DGKZ: variants seen among roughly 807,000 people sequenced by gnomAD.
DGKZ encodes the protein diacylglycerol kinase zeta.
Under a neutral mutation model 142.5 loss-of-function variants are expected in DGKZ, and 45 were observed. That is an observed-to-expected ratio of 0.32 (90% CI 0.25 to 0.40). The LOEUF is 0.40. Ranked by LOEUF, DGKZ falls within the 10% of genes least tolerant of loss-of-function variation. DGKZ has a pLI of 1.00. For missense variants in DGKZ, 755 were observed against 1,306.5 expected (o/e 0.58, Z 6.51); for synonymous variants, 442 against 527.0 (o/e 0.84, Z 2.21).
intron 1 of DGKZ, chr11:46,365,063 C>T (rs1943096635): frequency 1.0e-6 from 1 of 985,316 alleles, no homozygotes; most frequent in African/African-American, 1.7e-5. Context: ...GGCACAGGAG[C>T]TCGATGCTGG....
At chr11:46,375,178 G>C in intron 19 of DGKZ, 133 bp downstream of exon 19, 1 of 950,192 alleles carries the variant, frequency 1.1e-6, no homozygotes, top group Non-Finnish European at 1.5e-6. Context: ...CCTCTGGCTT[G>C]AGAGCGGCAC....
At chr11:46,348,718 C>T (rs1456537377) in intron 1 of DGKZ, among the ~76,000 whole-genome samples, 1 of 152,134 alleles carries the variant, frequency 6.6e-6, no homozygotes, top group East Asian at 1.9e-4. Context: ...TGCTCTTGGT[C>T]GTGAGCCGCT....
At chr11:46,350,400 C>T (rs1007422235) in intron 1 of DGKZ, among the ~76,000 whole-genome samples, 1 of 151,702 alleles carries the variant, frequency 6.6e-6, no homozygotes, top group African/African-American at 2.4e-5. Flanking sequence ...CTCGAAGCCC[C>T]AGCTGAAACC....
intron 1 of DGKZ, among the ~76,000 whole-genome samples, chr11:46,351,656 G>A (rs1941402107): frequency 6.6e-6 from 1 of 152,218 alleles, no homozygotes; most frequent in South Asian, 2.1e-4. Flanking sequence ...AATGCTGGGA[G>A]CAGCCCAGGT....
At chr11:46,342,307 C>A (rs564620352) in intron 1 of DGKZ, among the ~76,000 whole-genome samples, 1 of 152,154 alleles carries the variant, frequency 6.6e-6, no homozygotes, top group African/African-American at 2.4e-5. Context: ...ACATTGACAG[C>A]GCCAAGGAGT....
Position 46,375,054 on chromosome 11 carries a change from G to A in DGKZ, c.1710+9G>A. On this transcript the variant is annotated intron_variant, in intron 19 of 30. Transcript: ENST00000527911. ...TCACCATGACGTCGTTGGTGAGTGG[G>A]CCCTGGGCCCATGGTGCCTGGGAGC... The A allele has an allele frequency of 6.3e-7, 1 of 1,580,626 alleles. No individual in the cohort carries two copies. The highest frequency in any genetic ancestry group is 8.6e-7 in the Non-Finnish European group (1 of 1,169,432).
At chr11:46,374,286 C>G (rs556312899) in intron 15 of DGKZ, 51 bp downstream of exon 15, 1 of 1,612,458 alleles carries the variant, frequency 6.2e-7, no homozygotes. Flanking sequence ...GGAGTGTCCC[C>G]GGGAGGGTCA....
At chr11:46,376,254 T>C in intron 22 of DGKZ, 74 bp from the exon 23 acceptor site, 3 of 1,606,798 alleles carry the variant, frequency 1.9e-6, no homozygotes, top group East Asian at 2.2e-5. Flanking sequence ...TCTGTGCTGG[T>C]TCCCCCTACT....
At chr11:46,379,620 C>T (rs1401712469) in intron 30 of DGKZ, 52 bp downstream of exon 30, 5 of 1,509,698 alleles carry the variant, frequency 3.3e-6, no homozygotes, top group African/African-American at 2.7e-5. Flanking sequence ...AAACCTTTCC[C>T]AAGGTCCTAG....
chr11:46,367,428 G>C lies in DGKZ; in HGVS notation c.270+29G>C. ...AGTGCCTGAACACCCCTGGGTCCCA[G>C]ACCCTCTGGGCTCTTGGCCAAGGCG... On this transcript the variant is annotated intron_variant, in intron 2 of 30. Transcript: ENST00000527911. The surrounding 1 kb of genome is among the most constrained non-coding windows in gnomAD (Gnocchi z 4.1). 6.2e-7 allele frequency: 1 copy of C among 1,606,726 alleles called. No homozygotes were observed. Among genetic ancestry groups the C allele is most frequent in the South Asian group, 1.1e-5 (1 of 90,836 alleles).
chr11:46,337,513 C>G (rs1190023752), intron 1 of DGKZ, among the ~76,000 whole-genome samples: 3 of 151,982 alleles, frequency 2.0e-5, no homozygotes, highest in Admixed American at 6.6e-5. Context: ...CCAGGCTGTT[C>G]TCAAACTCCT....
chr11:46,348,712 C>G (rs1161556859), intron 1 of DGKZ, among the ~76,000 whole-genome samples: 1 of 152,162 alleles, frequency 6.6e-6, no homozygotes, highest in Non-Finnish European at 1.5e-5. Flanking sequence ...GTGTGCTGCT[C>G]TTGGTCGTGA....
chr11:46,375,317 G>A (rs544072624), intron 19 of DGKZ, 115 bp from the exon 20 acceptor site: 4 of 1,237,050 alleles, frequency 3.2e-6, no homozygotes, highest in Admixed American at 2.2e-5. Context: ...CTCTGGCCAG[G>A]GGTCACTCTC....
chr11:46,375,607 G>A (rs3794430), exon 20 of DGKZ: 54 of 1,579,648 alleles, frequency 3.4e-5, no homozygotes, highest in Non-Finnish European at 3.9e-5. Flanking sequence ...GCCAAGCGGC[G>A]GAGCGCCGCC....
At chr11:46,335,243 G>C (rs1939956819) in intron 1 of DGKZ, among the ~76,000 whole-genome samples, 1 of 151,900 alleles carries the variant, frequency 6.6e-6, no homozygotes, top group Non-Finnish European at 1.5e-5. Context: ...GAACCTGGGA[G>C]GCAGAGGTTG....
In DGKZ at chr11:46,367,952, C is replaced by G. The variant is rs375898324; in HGVS notation, c.367-50C>G. On this transcript the variant is annotated intron_variant, in intron 3 of 30. Coordinates refer to ENST00000527911, the Ensembl canonical transcript of DGKZ. The surrounding 1 kb of genome is among the most constrained non-coding windows in gnomAD (Gnocchi z 4.1). ...CAGCTGTGCTGGGGCAGGCAGCCTC[C>G]GAGATAGACTTACCTGGTGCCTCAG... 2 of 1,603,516 alleles carry G rather than the reference C, an allele frequency of 1.2e-6. No homozygotes were observed. The highest frequency in any genetic ancestry group is 1.3e-5 in the African/African-American group (1 of 74,776).
upstream of DGKZ, chr11:46,347,373 C>A: frequency 1.0e-6 from 1 of 984,236 alleles, no homozygotes. The surrounding 1 kb of genome is among the most constrained non-coding windows in gnomAD (Gnocchi z 6.4). Flanking sequence ...CGCTGCGGGC[C>A]CGGTGCCACC....
In DGKZ at chr11:46,371,807, G is replaced by A. The variant is rs767063062; in HGVS notation, c.831+32G>A. Reference sequence around the variant, plus strand: ...CCCAGGCTGGGCAGAGGCTGCAGGGGAGCAGGAGAGAGGGGTCTGTTGCTC... The same window carrying A: ...CCCAGGCTGGGCAGAGGCTGCAGGGAAGCAGGAGAGAGGGGTCTGTTGCTC... On this transcript the variant is annotated intron_variant, in intron 9 of 30. Transcript: ENST00000527911. 62 of 1,600,758 alleles carry A rather than the reference G, an allele frequency of 3.9e-5. No homozygotes were observed. The Admixed American group carries it at 1.0e-3, about 26-fold the overall frequency.
At chr11:46,369,613 G>A in intron 5 of DGKZ, 63 bp downstream of exon 5, 1 of 1,601,950 alleles carries the variant, frequency 6.2e-7, no homozygotes, top group Non-Finnish European at 8.5e-7. Context: ...CCTCTGCGCA[G>A]TGCCTCTGGA....
Sources: gnomAD v4.1 joint callset for allele counts (sites outside exome capture counted in the v4.1 genomes callset) on GRCh38, gnomAD v4.1.1 for gene constraint, Gnocchi (gnomAD v3.1) non-coding constraint, MANE v1.5 for transcripts, NCBI Gene and HGNC (gene_info 2026-07-23, HGNC 2026-07-21) for gene names.